The following GPR158 variants were observed in gnomAD, a reference collection of about 807,000 sequenced individuals.
GPR158 encodes G protein-coupled receptor 158, also known as metabotropic glycine receptor.
In GPR158, 30 loss-of-function variants were observed where a neutral mutation model predicts 78.2. The observed-to-expected ratio is 0.38, with a 90% CI of 0.29 to 0.52. The LOEUF (loss-of-function observed/expected upper bound fraction) is 0.52, where lower values mean the gene tolerates loss of function less well. GPR158 is among the 20% of genes least tolerant of loss of function. The pLI is 0.83. For synonymous variants in GPR158, 581 were observed against 591.1 expected, an observed-to-expected ratio of 0.98 and a Z score of 0.25; for missense variants, 1,463 against 1,523.5, an observed-to-expected ratio of 0.96 and a Z score of 0.66.
Position 25,597,895 on chromosome 10 carries a change from C to T in GPR158, c.2269C>T (p.Arg757Cys), listed in dbSNP as rs761475071. 10 of 1,606,162 alleles carry T rather than the reference C, an allele frequency of 6.2e-6. 1 individual carries two copies. The highest frequency in any genetic ancestry group is 4.5e-5 in the East Asian group (2 of 44,780). ...KKGLGRSIMR[R>C]ITEIPETVSR... ...GGGCCTAGGTCGTTCCATCATGAGACGCATTACGGAGATCCCAGAGACAGT... is the reference window on the plus strand; with the variant it reads ...GGGCCTAGGTCGTTCCATCATGAGATGCATTACGGAGATCCCAGAGACAGT... Residue 757 changes from arginine (R) to cysteine (C), a missense_variant, in exon 11 of 11, where the codon CGC (arginine) becomes TGC (cysteine). Transcript: ENST00000376351.
chr10:25,264,959 T>C (rs1346643887), intron 2 of GPR158, among the ~76,000 whole-genome samples: 1 of 152,234 alleles, frequency 6.6e-6, no homozygotes, highest in Non-Finnish European at 1.5e-5. Flanking sequence ...AGTTAACACA[T>C]TTCCTTGCTT....
intron 4 of GPR158, among the ~76,000 whole-genome samples, chr10:25,424,154 G>T (rs1402297525): frequency 6.6e-6 from 1 of 152,078 alleles, no homozygotes; most frequent in Non-Finnish European, 1.5e-5. Flanking sequence ...ATTTTTTCAT[G>T]TGTCTGTTGG....
chr10:25,393,455 A>G (rs1194388106), intron 2 of GPR158: 1 of 152,228 alleles, frequency 6.6e-6, no homozygotes, highest in Non-Finnish European at 1.5e-5. Context: ...ACTTACAACA[A>G]ACTCCACATG....
At chr10:25,551,207 C>G in intron 6 of GPR158, 122 bp downstream of exon 6, 1 of 647,426 alleles carries the variant, frequency 1.5e-6, no homozygotes, top group South Asian at 1.9e-5. Flanking sequence ...TAGCAAGATA[C>G]TATATATTTT....
intron 4 of GPR158, among the ~76,000 whole-genome samples, chr10:25,415,737 T>C (rs1834649328): frequency 6.6e-6 from 1 of 152,022 alleles, no homozygotes; most frequent in Non-Finnish European, 1.5e-5. Context: ...AACTGCTAAG[T>C]AAAACAGTTA....
rs547119610 is a variant in GPR158, at chr10:25,473,564, G to A, written c.1404+6845G>A. Among the ~76,000 whole-genome samples, 4 of 152,144 alleles carry A rather than the reference G, an allele frequency of 2.6e-5. No individual in the cohort carries two copies. In the South Asian group the frequency reaches 8.3e-4, roughly 32 times the overall value. On this transcript the variant is annotated intron_variant, in intron 5 of 10. Coordinates refer to ENST00000376351, the MANE Select transcript of GPR158 (RefSeq NM_020752.3). ...CCTCCTTGTACCTCTGGTAGAATTCGGCTGTGAATCCATCTGGTGCTGGAC... is the reference window on the plus strand; with the variant it reads ...CCTCCTTGTACCTCTGGTAGAATTCAGCTGTGAATCCATCTGGTGCTGGAC...
chr10:25,534,939 A>C (rs1413079162), intron 5 of GPR158, among the ~76,000 whole-genome samples: 1 of 152,200 alleles, frequency 6.6e-6, no homozygotes, highest in East Asian at 1.9e-4. Context: ...GTTCTTAGTC[A>C]AGAATCATGA....
chr10:25,329,074 G>A (rs1030792245), intron 2 of GPR158, among the ~76,000 whole-genome samples: 2 of 151,878 alleles, frequency 1.3e-5, no homozygotes, highest in African/African-American at 4.8e-5. Context: ...CATTCTTCCT[G>A]GTAGTTTGGT....
At chr10:25,207,591 C>T (rs751867906) in intron 1 of GPR158, among the ~76,000 whole-genome samples, 2 of 152,076 alleles carry the variant, frequency 1.3e-5, no homozygotes, top group African/African-American at 4.8e-5. Flanking sequence ...CGAATGCCAC[C>T]GCTGATCTGA....
intron 7 of GPR158, among the ~76,000 whole-genome samples, chr10:25,586,975 A>C (rs1193388913): frequency 6.6e-6 from 1 of 152,244 alleles, no homozygotes; most frequent in East Asian, 1.9e-4. Context: ...ACTATAGCCA[A>C]GGAGCTGGGA....
intron 4 of GPR158, among the ~76,000 whole-genome samples, chr10:25,457,152 T>TC (rs1835302304): frequency 7.2e-6 from 1 of 139,782 alleles, no homozygotes; most frequent in African/African-American, 2.7e-5. Flanking sequence ...TTTTTTTTTT[T>TC]TTTTTTTTTT....
chr10:25,336,240 G>A (rs563132438), intron 2 of GPR158, among the ~76,000 whole-genome samples: 2 of 152,068 alleles, frequency 1.3e-5, no homozygotes, highest in Admixed American at 1.3e-4. Flanking sequence ...TTATTTGAAT[G>A]TTTATGTTAT....
intron 5 of GPR158, among the ~76,000 whole-genome samples, chr10:25,506,570 T>A (rs1836016477): frequency 6.6e-6 from 1 of 152,220 alleles, no homozygotes; most frequent in South Asian, 2.1e-4. Context: ...ATACCAAAGT[T>A]CAAAGACTCA....
At chr10:25,255,403 TCA>T (rs1214657932) in intron 2 of GPR158, among the ~76,000 whole-genome samples, 1 of 152,226 alleles carries the variant, frequency 6.6e-6, no homozygotes, top group East Asian at 1.9e-4. Flanking sequence ...ATTTATTATA[TCA>T]CAGTTTTTGT....
chr10:25,240,087 T>C (rs368810818), intron 2 of GPR158, among the ~76,000 whole-genome samples: 13 of 152,200 alleles, frequency 8.5e-5, no homozygotes, highest in South Asian at 6.2e-4. Context: ...CCAAAGGCAT[T>C]GATTAATCTA....
At chr10:25,218,987 A>G (rs1853259645) in intron 1 of GPR158, among the ~76,000 whole-genome samples, 1 of 152,128 alleles carries the variant, frequency 6.6e-6, no homozygotes, top group South Asian at 2.1e-4. Context: ...ACCAAGAACA[A>G]TTCTGGCACA....
At chr10:25,203,015 G>C (rs1245357971) in intron 1 of GPR158, among the ~76,000 whole-genome samples, 2 of 152,188 alleles carry the variant, frequency 1.3e-5, no homozygotes, top group African/African-American at 4.8e-5. Context: ...GTGATGGTGA[G>C]CATTTTTTCA....
chr10:25,178,646 G>T (rs1212237988), intron 1 of GPR158, among the ~76,000 whole-genome samples: 2 of 152,144 alleles, frequency 1.3e-5, no homozygotes, highest in Non-Finnish European at 2.9e-5. Context: ...TTAGTGTCTG[G>T]CTCTCTATAG....
At chr10:25,515,119 TCTTCCTTAGGAACA>T (rs1836145504) in intron 5 of GPR158, among the ~76,000 whole-genome samples, 1 of 152,044 alleles carries the variant, frequency 6.6e-6, no homozygotes, top group Non-Finnish European at 1.5e-5. Context: ...TCCAAACTTT[TCTTCCTTAGGAACA>T]CCAATTATTC....
Sources: allele counts gnomAD v4.1 joint callset (sites outside exome capture counted in the v4.1 genomes callset), GRCh38; gene constraint gnomAD v4.1.1; transcripts MANE v1.5; gene names NCBI Gene and HGNC (gene_info 2026-07-23, HGNC 2026-07-21).